Variants in SLC26A7 observed in about 807,000 individuals in gnomAD.
The protein encoded by SLC26A7 is anion exchange transporter.
SLC26A7 carries 59 observed loss-of-function variants against 82.5 expected under a neutral mutation model. That is an observed-to-expected ratio of 0.72 (90% CI 0.58 to 0.89). The LOEUF (loss-of-function observed/expected upper bound fraction) is 0.89, where lower values mean the gene tolerates loss of function less well. Ranked by LOEUF, SLC26A7 falls within the 40% of genes least tolerant of loss-of-function variation. SLC26A7 has a pLI of 0.00. For synonymous variants in SLC26A7, 271 were observed against 274.3 expected (o/e 0.99, Z 0.12); for missense variants, 820 against 793.0 (o/e 1.03, Z -0.41).
At chr8:91,302,948 G>A (rs1812209143) in intron 4 of SLC26A7, among the ~76,000 whole-genome samples, 2 of 151,788 alleles carry the variant, frequency 1.3e-5, no homozygotes, top group South Asian at 2.1e-4. Context: ...ATTTCTGACA[G>A]TTGATAATGC....
At chr8:91,301,942 A>G (rs955359816) in intron 4 of SLC26A7, among the ~76,000 whole-genome samples, 2 of 151,800 alleles carry the variant, frequency 1.3e-5, no homozygotes, top group African/African-American at 4.8e-5. Context: ...CTGTGATTTC[A>G]GTTTGTATTT....
At chr8:91,342,885 G>A (rs1813458533) in intron 8 of SLC26A7, 2 of 156,594 alleles carry the variant, frequency 1.3e-5, no homozygotes, top group South Asian at 1.9e-4. Context: ...AAATGTGATG[G>A]CCAGGGAGGT....
At chr8:91,328,607 C>A (rs947209149) in intron 5 of SLC26A7, among the ~76,000 whole-genome samples, 6 of 152,074 alleles carry the variant, frequency 3.9e-5, no homozygotes, top group Non-Finnish European at 8.8e-5. Context: ...CTATGCTAGA[C>A]CCAAGTATTC....
At chr8:91,320,702 T>A (rs1289502363) in intron 5 of SLC26A7, among the ~76,000 whole-genome samples, 5 of 152,162 alleles carry the variant, frequency 3.3e-5, no homozygotes, top group African/African-American at 4.8e-5. Context: ...TCAGCAAGGA[T>A]GTAGAGCAGA....
intron 2 of SLC26A7, among the ~76,000 whole-genome samples, chr8:91,271,816 G>A (rs768760789): frequency 5.9e-5 from 9 of 152,046 alleles, no homozygotes; most frequent in Non-Finnish European, 1.2e-4. Flanking sequence ...GGATGGTCTC[G>A]ATCTCCTGAC....
intron 7 of SLC26A7, 92 bp from the exon 8 acceptor site, chr8:91,340,312 C>T (rs1813366855): frequency 1.3e-6 from 2 of 1,487,768 alleles, no homozygotes; most frequent in African/African-American, 1.4e-5. Flanking sequence ...TCTATGTAAA[C>T]TTCAGAGTCA....
At chr8:91,287,536 T>A (rs555541287) in intron 2 of SLC26A7, among the ~76,000 whole-genome samples, 2 of 152,354 alleles carry the variant, frequency 1.3e-5, no homozygotes, top group South Asian at 4.1e-4. Flanking sequence ...GTCCATATGA[T>A]TAATCCAGGA....
chr8:91,236,761 G>C (rs570773872), intron 2 of SLC26A7, among the ~76,000 whole-genome samples: 1 of 152,046 alleles, frequency 6.6e-6, no homozygotes, highest in South Asian at 2.1e-4. Context: ...TCCCAGTTCT[G>C]AAACTCAACT....
At chr8:91,301,428 A>G (rs1812162035) in intron 4 of SLC26A7, among the ~76,000 whole-genome samples, 2 of 152,272 alleles carry the variant, frequency 1.3e-5, no homozygotes, top group Non-Finnish European at 2.9e-5. Context: ...GCCTAGCTCT[A>G]AAACAACCAG....
chr8:91,352,343 A>C (rs967805109), intron 10 of SLC26A7, among the ~76,000 whole-genome samples: 2 of 152,130 alleles, frequency 1.3e-5, no homozygotes, highest in African/African-American at 4.8e-5. Context: ...AGCCTGAGGC[A>C]CTAAAGGAAT....
intron 1 of SLC26A7, among the ~76,000 whole-genome samples, chr8:91,211,504 A>G (rs937402319): frequency 9.3e-5 from 14 of 151,004 alleles, no homozygotes; most frequent in Non-Finnish European, 1.9e-4. Flanking sequence ...TGCACAGAAT[A>G]CTTGGGGATG....
At chr8:91,326,574 C>T (rs1812937125) in intron 5 of SLC26A7, among the ~76,000 whole-genome samples, 1 of 152,096 alleles carries the variant, frequency 6.6e-6, no homozygotes, top group Non-Finnish European at 1.5e-5. Context: ...TTTCCAAATA[C>T]AGTCACATTC....
intron 16 of SLC26A7, among the ~76,000 whole-genome samples, chr8:91,390,322 C>T (rs1406311281): frequency 8.5e-5 from 13 of 152,082 alleles, no homozygotes; most frequent in Admixed American, 2.0e-4. Flanking sequence ...TTTCACCATG[C>T]TATCCAGGAT....
At chr8:91,325,538 C>T (rs757754808) in intron 5 of SLC26A7, among the ~76,000 whole-genome samples, 4 of 151,994 alleles carry the variant, frequency 2.6e-5, no homozygotes, top group East Asian at 1.9e-4. Context: ...AGTTGAAAGG[C>T]GTATTGCTTC....
intron 2 of SLC26A7, 116 bp from the exon 3 acceptor site, chr8:91,289,020 A>T (rs1015296489): frequency 6.0e-6 from 4 of 669,812 alleles, no homozygotes; most frequent in African/African-American, 5.4e-5. Context: ...TTGTTGAGCA[A>T]GTAGAATAAA....
chr8:91,320,567 A>G (rs1184237580), intron 5 of SLC26A7, among the ~76,000 whole-genome samples: 2 of 152,222 alleles, frequency 1.3e-5, no homozygotes, highest in South Asian at 2.1e-4. Context: ...TAAATCTTAC[A>G]TCATGCACAG....
rs1468317049 is a variant in SLC26A7, at chr8:91,366,584, C to A, written c.1493C>A (p.Thr498Asn). Reference protein sequence around the residue: ...FKVKTEMDSETLQQVKIISIN... With the variant: ...FKVKTEMDSENLQQVKIISIN... ...TCTGTTTTTCTCCTCCAAAAGGAAA[C>A]CCTGCAGCAGGTGAAAATTATCTCA... The change falls in exon 14 of 19, where the codon ACC (threonine) becomes AAC (asparagine). Residue 498 changes from threonine (T) to asparagine (N), a missense_variant. Transcript: ENST00000276609. 6 of 1,611,658 alleles carry A rather than the reference C, an allele frequency of 3.7e-6. No homozygotes were observed. The highest frequency in any genetic ancestry group is 1.7e-4 in the Middle Eastern group (1 of 6,044).
intron 9 of SLC26A7, 107 bp from the exon 10 acceptor site, chr8:91,351,703 C>A: frequency 1.3e-6 from 1 of 751,094 alleles, no homozygotes; most frequent in Non-Finnish European, 2.3e-6. Flanking sequence ...CATTTTACTT[C>A]TTCTAATCAA....
At chr8:91,252,018 T>C (rs1810671043) in intron 2 of SLC26A7, among the ~76,000 whole-genome samples, 1 of 152,156 alleles carries the variant, frequency 6.6e-6, no homozygotes, top group African/African-American at 2.4e-5. Context: ...ACCTCTTGTT[T>C]GTCTGAATAC....
Sources: gnomAD v4.1 joint callset for allele counts (sites outside exome capture counted in the v4.1 genomes callset) on GRCh38, gnomAD v4.1.1 for gene constraint, MANE v1.5 for transcripts, NCBI Gene and HGNC (gene_info 2026-07-23, HGNC 2026-07-21) for gene names.